ABCA3: variants seen among roughly 807,000 people sequenced by gnomAD.
The protein encoded by ABCA3 is ATP binding cassette subfamily A member 3.
In ABCA3, 88 loss-of-function variants were observed where a neutral mutation model predicts 172.8. The ratio of observed to expected loss-of-function variants is 0.51; its 90% CI spans 0.43 to 0.61. The LOEUF (loss-of-function observed/expected upper bound fraction) is 0.61. Among genes scored for constraint, ABCA3 ranks in the 20% least tolerant of loss-of-function variants. ABCA3 has a pLI of 0.00. For synonymous variants in ABCA3, 1,066 were observed against 983.8 expected (o/e 1.08, Z -1.56); for missense variants, 2,164 against 2,301.0 (o/e 0.94, Z 1.22).
At chr16:2,316,230 G>C (rs2093715258) in intron 10 of ABCA3, among the ~76,000 whole-genome samples, 1 of 143,142 alleles carries the variant, frequency 7.0e-6, no homozygotes, top group Non-Finnish European at 1.5e-5. Flanking sequence ...ATAGCTTTGA[G>C]CCCAGCAGTT....
intron 19 of ABCA3, among the ~76,000 whole-genome samples, chr16:2,291,459 T>A (rs997614587): frequency 6.6e-6 from 1 of 152,044 alleles, no homozygotes. Context: ...CCCCATGCAG[T>A]TCTGAGGGTC....
chr16:2,291,521 G>T (rs971123457), intron 19 of ABCA3, among the ~76,000 whole-genome samples: 3 of 152,150 alleles, frequency 2.0e-5, no homozygotes, highest in Non-Finnish European at 4.4e-5. Context: ...TCCCAAGGAC[G>T]ATCTAAGCCC....
intron 19 of ABCA3, among the ~76,000 whole-genome samples, chr16:2,290,762 T>C (rs2093670811): frequency 6.6e-6 from 1 of 152,222 alleles, no homozygotes; most frequent in South Asian, 2.1e-4. Context: ...CATGGTCCCC[T>C]GCACAGGTGT....
At position 2,316,757 on chromosome 16, in the gene ABCA3, G is replaced by C. The variant is rs540157842; in HGVS notation, c.1111+526C>G. Among the ~76,000 whole-genome samples, 35 of 152,038 alleles carry C rather than the reference G, an allele frequency of 2.3e-4. 1 individual carries two copies. The South Asian group carries it at 7.1e-3, about 31-fold the overall frequency. On this transcript the variant is annotated intron_variant, in intron 10 of 32. Transcript: ENST00000301732. ...GGAGTTTTACCTGGGAGGAGCCTGGGCATACTGAATAACTTCACTTTTTGG... is the reference window on the plus strand; with the variant it reads ...GGAGTTTTACCTGGGAGGAGCCTGGCCATACTGAATAACTTCACTTTTTGG...
chr16:2,309,137 A>G (rs932438286), intron 10 of ABCA3, among the ~76,000 whole-genome samples: 2 of 152,070 alleles, frequency 1.3e-5, no homozygotes, highest in Non-Finnish European at 2.9e-5. Context: ...TAGTAGAGAT[A>G]GGGTTTCACC....
In ABCA3 at chr16:2,288,211, G is replaced by T. The variant is rs1269133045; in HGVS notation, c.2819C>A (p.Ala940Asp). 2 of 1,599,856 alleles carry T rather than the reference G, an allele frequency of 1.3e-6. No individual in the cohort carries two copies. The highest frequency in any genetic ancestry group is 2.7e-5 in the African/African-American group (2 of 74,676). Reference sequence around the variant, plus strand: ...CGAGGAGTAGTTGATGGCCAGGAGGGCCAGGGTGACGCAGGTCAGAGGCAC... The same window carrying T: ...CGAGGAGTAGTTGATGGCCAGGAGGTCCAGGGTGACGCAGGTCAGAGGCAC... ...VLVPLTCVTLALLAINYSSEL... is the reference protein window; with the variant it reads ...VLVPLTCVTLDLLAINYSSEL... The change falls in exon 21 of 33, where the codon GCC (alanine) becomes GAC (aspartate). Residue 940 changes from alanine to aspartate, a missense_variant. By Grantham distance (126) the Ala-to-Asp change is moderately radical. This residue lies in a region of ABCA3 where 1,343 missense variants were observed against 1,369.6 expected (regional missense o/e 0.98). Transcript: ENST00000301732.
At chr16:2,338,114 C>A (rs1300119620) in intron 1 of ABCA3, among the ~76,000 whole-genome samples, 1 of 152,180 alleles carries the variant, frequency 6.6e-6, no homozygotes, top group Non-Finnish European at 1.5e-5. Context: ...GGAAAGTCCC[C>A]AGAGGGAGGT....
At chr16:2,310,842 G>A (rs1403067356) in intron 10 of ABCA3, among the ~76,000 whole-genome samples, 1 of 151,732 alleles carries the variant, frequency 6.6e-6, no homozygotes, top group East Asian at 1.9e-4. Context: ...TTCTTTATTG[G>A]TCTTTTTCCC....
chr16:2,323,697 A>G lies in ABCA3; in HGVS notation c.448-9T>C. On this transcript the variant is annotated splice_polypyrimidine_tract_variant and intron_variant, in intron 6 of 32. Coordinates refer to ENST00000301732, the MANE Select transcript of ABCA3 (RefSeq NM_001089.3). Reference sequence around the variant, plus strand: ...CGTAGGTGATATTTCACCTGTGGAAACAAAGAGAAAACCAGCTGTTCCGAG... The same window carrying G: ...CGTAGGTGATATTTCACCTGTGGAAGCAAAGAGAAAACCAGCTGTTCCGAG... The G allele has an allele frequency of 6.2e-7, 1 of 1,614,132 alleles. No individual in the cohort carries two copies. The highest frequency in any genetic ancestry group is 8.5e-7 in the Non-Finnish European group (1 of 1,179,976).
rs1266843414 is a variant in ABCA3, at chr16:2,281,324, G to A, written c.4164+57C>T. 1 of 1,613,168 alleles carries A rather than the reference G, an allele frequency of 6.2e-7. No individual in the cohort carries two copies. Among genetic ancestry groups the A allele is most frequent in the South Asian group, 1.1e-5 (1 of 90,968 alleles). Reference sequence around the variant, plus strand: ...GCTTCCAGGGATGGGGTCGGACCCTGGGGACAGCCAGGTAGTCAGCTGGCA... The same window carrying A: ...GCTTCCAGGGATGGGGTCGGACCCTAGGGACAGCCAGGTAGTCAGCTGGCA... On this transcript the variant is annotated intron_variant, in intron 27 of 32. Transcript: ENST00000301732. The surrounding 1 kb of genome is among the most constrained non-coding windows in gnomAD (Gnocchi z 4.7).
intron 18 of ABCA3, among the ~76,000 whole-genome samples, chr16:2,293,520 C>T (rs532101596): frequency 8.0e-5 from 12 of 150,920 alleles, no homozygotes; most frequent in African/African-American, 7.3e-5. Flanking sequence ...TACAGGTGTG[C>T]ACAACTACAC....
Position 2,286,858 on chromosome 16 carries a change from G to T in ABCA3, c.3114C>A (p.Val1038=), listed in dbSNP as rs1403470589. ...SFRDVGERTV[V]NALFNNQAYH... ...ACGCCTGGTTGTTGAACAAGGCGTT[G>T]ACGACCGTGCGCTCTCCCACATCTC... The change falls in exon 22 of 33, where the codon GTC becomes GTA. Residue 1038 remains valine (V), a synonymous_variant. Coordinates refer to ENST00000301732, the MANE Select transcript of ABCA3 (RefSeq NM_001089.3). This position sits in a 1 kb window ranked among gnomAD's most constrained non-coding sequence, Gnocchi z 5.2. 1 of 1,613,996 alleles carries T rather than the reference G, an allele frequency of 6.2e-7. No individual in the cohort carries two copies. The highest frequency in any genetic ancestry group is 1.7e-5 in the Admixed American group (1 of 60,008).
chr16:2,299,672 T>G, intron 13 of ABCA3, 140 bp from the exon 14 acceptor site: 12 of 1,359,162 alleles, frequency 8.8e-6, no homozygotes, highest in Non-Finnish European at 1.2e-5. Flanking sequence ...GAGGGACGTT[T>G]CGGGCAGATG....
Position 2,283,415 on chromosome 16 carries a change from A to T in ABCA3, c.3863-57T>A. ...GCCTGGGGCACCCTCCTCCCCTTCC[A>T]GGTTCCCGGCCCCCACTCCCCTCCC... On this transcript the variant is annotated intron_variant, in intron 25 of 32. Coordinates refer to ENST00000301732, the MANE Select transcript of ABCA3 (RefSeq NM_001089.3). This position sits in a 1 kb window ranked among gnomAD's most constrained non-coding sequence, Gnocchi z 5.4. 2 of 1,586,210 alleles carry T rather than the reference A, an allele frequency of 1.3e-6. No individual in the cohort carries two copies. The highest frequency in any genetic ancestry group is 2.3e-5 in the South Asian group (2 of 88,854).
intron 20 of ABCA3, 23 bp downstream of exon 20, chr16:2,289,411 C>CCCCCCCCCCCCCGGG: frequency 1.3e-6 from 2 of 1,561,810 alleles, no homozygotes; most frequent in African/African-American, 1.3e-5. Flanking sequence ...CCCCGCCACC[C>CCCCCCCCCCCCCGGG]GCCCACCCAC....
At chr16:2,327,578 C>T (rs74437080) in intron 3 of ABCA3, among the ~76,000 whole-genome samples, 151 of 152,320 alleles carry the variant, frequency 9.9e-4, no homozygotes, top group Middle Eastern at 3.4e-3. Flanking sequence ...CTTGCTGCCC[C>T]GGAGCAGGCC....
chr16:2,327,274 C>T (rs565050119), intron 3 of ABCA3, among the ~76,000 whole-genome samples: 8 of 152,142 alleles, frequency 5.3e-5, no homozygotes, highest in Middle Eastern at 6.8e-3. Flanking sequence ...CACCAACACC[C>T]GGCTGGTCTC....
rs200395803 is a variant in ABCA3 at position 2,278,083 on chromosome 16, G to A, written c.4719-14C>T. ...CACTCCTCCATGCTGTGGAGAGGGCGGGACCTCAGATAGGGCTTGGGGTGC... is the reference window on the plus strand; with the variant it reads ...CACTCCTCCATGCTGTGGAGAGGGCAGGACCTCAGATAGGGCTTGGGGTGC... On this transcript the variant is annotated splice_polypyrimidine_tract_variant and intron_variant, in intron 30 of 32. Transcript: ENST00000301732. The surrounding 1 kb of genome is among the most constrained non-coding windows in gnomAD (Gnocchi z 4.4). The A allele has an allele frequency of 1.1e-5, 17 of 1,613,238 alleles. No homozygotes were observed. In the Admixed American group the frequency reaches 2.0e-4, roughly 19 times the overall value.
chr16:2,300,966 C>T (rs997964047), intron 12 of ABCA3, among the ~76,000 whole-genome samples: 2 of 150,224 alleles, frequency 1.3e-5, no homozygotes, highest in Non-Finnish European at 1.5e-5. Flanking sequence ...CACGGTGGCT[C>T]GAGCCTGTAA....
Sources: gnomAD v4.1 joint callset for allele counts (sites outside exome capture counted in the v4.1 genomes callset) on GRCh38, gnomAD v4.1.1 for gene constraint, gnomAD v4.1.1 regional missense constraint, Gnocchi (gnomAD v3.1) non-coding constraint, MANE v1.5 for transcripts, NCBI Gene and HGNC (gene_info 2026-07-23, HGNC 2026-07-21) for gene names.